Variants in PITPNC1 observed in about 807,000 individuals in gnomAD.
PITPNC1 encodes phosphatidylinositol transfer protein cytoplasmic 1.
In PITPNC1, 18 loss-of-function variants were observed where a neutral mutation model predicts 44.7. The observed-to-expected ratio is 0.40, with a 90% CI of 0.28 to 0.60. The LOEUF is 0.60. PITPNC1 is among the 20% of genes least tolerant of loss of function. PITPNC1 has a pLI of 0.39. For missense variants in PITPNC1, 290 were observed against 418.4 expected (o/e 0.69, Z 2.68); for synonymous variants, 141 against 149.6 (o/e 0.94, Z 0.42).
intron 1 of PITPNC1, among the ~76,000 whole-genome samples, chr17:67,441,977 T>C (rs554626246): frequency 9.9e-5 from 15 of 152,084 alleles, no homozygotes; most frequent in Admixed American, 3.9e-4. Flanking sequence ...TGTGATTTAG[T>C]TGAGTAGAAT....
chr17:67,510,190 C>T (rs866001305), intron 1 of PITPNC1, among the ~76,000 whole-genome samples: 1 of 152,188 alleles, frequency 6.6e-6, no homozygotes, highest in Non-Finnish European at 1.5e-5. Context: ...TTCCTCTGCC[C>T]CAGGTCCTAG....
Position 67,695,930 on chromosome 17 carries a change from AT to A in PITPNC1, c.*3045del. On this transcript the variant is annotated 3_prime_UTR_variant, in exon 9 of 9. Transcript: ENST00000581322. The stretch of plus-strand genomic sequence containing the variant: ...TTGTTAGAAATCACCTCTGAAGATC[AT>A]TTCATTTTCTCACTTTGGGTTGTTG... The A allele has an allele frequency of 6.6e-6, 1 of 152,296 alleles. No individual in the cohort carries two copies. The highest frequency in any genetic ancestry group is 2.1e-4 in the South Asian group (1 of 4,826). The allele number at this position is 152,296 out of a possible 1,614,324, so 9.4% of individuals were successfully genotyped here.
In PITPNC1 at chr17:67,378,114, C is replaced by T. The variant is rs756672816; in HGVS notation, c.-41C>T. The T allele has an allele frequency of 2.7e-6, 4 of 1,456,846 alleles. No homozygotes were observed. Among genetic ancestry groups the T allele is most frequent in the East Asian group, 5.5e-5 (2 of 36,136 alleles). 90.2% of individuals were successfully genotyped at this position (1,456,846 alleles called of 1,614,324 possible). A position where few individuals can be genotyped will look rare whatever the true frequency, so the allele number is the denominator to read the frequency against. On this transcript the variant is annotated 5_prime_UTR_variant, in exon 1 of 9. Transcript: ENST00000581322. ...AGCAGCCTTGCTGGTCTTGGGGGCGCCCCCCGCTTCCCGCCCCGGGGGTCC... is the reference window on the plus strand; with the variant it reads ...AGCAGCCTTGCTGGTCTTGGGGGCGTCCCCCGCTTCCCGCCCCGGGGGTCC...
chr17:67,414,599 T>C (rs961747506), intron 1 of PITPNC1, among the ~76,000 whole-genome samples: 2 of 152,308 alleles, frequency 1.3e-5, no homozygotes, highest in Admixed American at 6.5e-5. Context: ...ACACTCAAGG[T>C]ATTGCCTATG....
At chr17:67,387,089 A>C (rs1173594641) in intron 1 of PITPNC1, among the ~76,000 whole-genome samples, 1 of 152,204 alleles carries the variant, frequency 6.6e-6, no homozygotes, top group East Asian at 1.9e-4. Context: ...GTACTATGCA[A>C]CCTCTAATTT....
chr17:67,388,719 C>A (rs1259847137), intron 1 of PITPNC1, among the ~76,000 whole-genome samples: 1 of 152,114 alleles, frequency 6.6e-6, no homozygotes, highest in Non-Finnish European at 1.5e-5. Flanking sequence ...CTCTCGGGTT[C>A]AAGCAATCCT....
chr17:67,460,918 T>C (rs2039328593), intron 1 of PITPNC1, among the ~76,000 whole-genome samples: 1 of 151,228 alleles, frequency 6.6e-6, no homozygotes, highest in African/African-American at 2.4e-5. Context: ...ATTTTTATAT[T>C]TTTAGTAGAG....
rs775682571 is a variant in PITPNC1 at position 67,476,593 on chromosome 17, CA to C, written c.49-56200del. Among the ~76,000 whole-genome samples, 338 of 150,504 alleles carry C rather than the reference CA, an allele frequency of 2.2e-3. 2 individuals carry two copies. Among genetic ancestry groups the C allele is most frequent in the Middle Eastern group, 3.4e-3 (1 of 292 alleles). ...ATGCATATAAGAATCACCTGGGAAACAAAAAAAAATCTTAGTGGTTGGCTTC... is the reference window on the plus strand; with the variant it reads ...ATGCATATAAGAATCACCTGGGAAACAAAAAAAATCTTAGTGGTTGGCTTC... On this transcript the variant is annotated intron_variant, in intron 1 of 8. Coordinates refer to ENST00000581322, the MANE Select transcript of PITPNC1 (RefSeq NM_012417.4).
chr17:67,414,303 C>T (rs998222108), intron 1 of PITPNC1, among the ~76,000 whole-genome samples: 1 of 152,134 alleles, frequency 6.6e-6, no homozygotes, highest in Non-Finnish European at 1.5e-5. Flanking sequence ...CAGATGCCCA[C>T]CAATAGGTGA....
chr17:67,434,576 C>T (rs1362115705), intron 1 of PITPNC1, among the ~76,000 whole-genome samples: 9 of 152,060 alleles, frequency 5.9e-5, no homozygotes, highest in South Asian at 2.1e-4. Flanking sequence ...TTTGGGAGGC[C>T]GAGGCAGGTG....
At chr17:67,408,672 C>CTT (rs2038436145) in intron 1 of PITPNC1, 1 of 87,774 alleles carries the variant, frequency 1.1e-5, no homozygotes, top group African/African-American at 4.2e-5. Context: ...TGCTTGCTTT[C>CTT]TCTTTCTTCC....
intron 1 of PITPNC1, among the ~76,000 whole-genome samples, chr17:67,430,494 A>C (rs1287233354): frequency 6.7e-6 from 1 of 149,488 alleles, no homozygotes; most frequent in African/African-American, 2.5e-5. Context: ...TCTCAAAAAC[A>C]AAAACAAAAA....
At chr17:67,641,505 TGCCAGTGAAG>T (rs2144350755) in intron 6 of PITPNC1, among the ~76,000 whole-genome samples, 1 of 152,230 alleles carries the variant, frequency 6.6e-6, no homozygotes, top group East Asian at 1.9e-4. Context: ...CCGGATAATA[TGCCAGTGAAG>T]GCCAGGTTCA....
intron 6 of PITPNC1, chr17:67,638,633 C>A (rs978947454): frequency 2.0e-5 from 3 of 152,110 alleles, no homozygotes; most frequent in African/African-American, 7.2e-5. Context: ...TGTGTGCTTC[C>A]TTTTTTAAAT....
At chr17:67,577,110 T>A (rs1482061554) in intron 4 of PITPNC1, among the ~76,000 whole-genome samples, 2 of 151,898 alleles carry the variant, frequency 1.3e-5, no homozygotes, top group Non-Finnish European at 2.9e-5. Context: ...AGAGAGACCC[T>A]TGCCTTTACC....
At chr17:67,571,141 A>G (rs1287806102) in intron 4 of PITPNC1, among the ~76,000 whole-genome samples, 1 of 152,228 alleles carries the variant, frequency 6.6e-6, no homozygotes, top group Non-Finnish European at 1.5e-5. Context: ...ACTTAAAACA[A>G]CACAAGTGGC....
intron 1 of PITPNC1, among the ~76,000 whole-genome samples, chr17:67,428,077 C>CT (rs1395750861): frequency 6.6e-6 from 1 of 152,100 alleles, no homozygotes; most frequent in Non-Finnish European, 1.5e-5. Context: ...ACACTGCAGG[C>CT]TTGAACTCCT....
At chr17:67,661,101 G>A (rs1052402800) in intron 6 of PITPNC1, among the ~76,000 whole-genome samples, 2 of 150,592 alleles carry the variant, frequency 1.3e-5, no homozygotes, top group Non-Finnish European at 3.0e-5. Context: ...CAAACTCCTG[G>A]CCTCCCAAAG....
rs576224414 is a variant in PITPNC1 at position 67,409,494 on chromosome 17, T to C, written c.48+31292T>C. Among the ~76,000 whole-genome samples the C allele has an allele frequency of 2.6e-5, 4 of 152,334 alleles. No homozygotes were observed. The South Asian group carries it at 8.3e-4, about 32-fold the overall frequency. On this transcript the variant is annotated intron_variant, in intron 1 of 8. Transcript: ENST00000581322. ...TCTTGTTCTTTTTCACTCAACATTT[T>C]GATCCTGAAATTGCTGCATATAACT...
Sources: gnomAD v4.1 joint callset for allele counts (sites outside exome capture counted in the v4.1 genomes callset) on GRCh38, gnomAD v4.1.1 for gene constraint, MANE v1.5 for transcripts, NCBI Gene and HGNC (gene_info 2026-07-23, HGNC 2026-07-21) for gene names.